YAE1: variants seen among roughly 807,000 people sequenced by gnomAD.
YAE1 encodes protein YAE1 homolog.
Under a neutral mutation model 23.0 loss-of-function variants are expected in YAE1, and 22 were observed. The observed-to-expected ratio is 0.96, with a 90% CI of 0.68 to 1.37. The LOEUF is 1.37. YAE1 is among the 40% of genes most tolerant of loss of function. The pLI is 0.00. For missense variants in YAE1, 260 were observed against 262.1 expected (o/e 0.99, Z 0.06); for synonymous variants, 101 against 97.0 (o/e 1.04, Z -0.24).
At chr7:39,575,669 C>T (rs904357552), downstream of YAE1, among the ~76,000 whole-genome samples, 1 of 151,924 alleles carries the variant, frequency 6.6e-6, no homozygotes, top group African/African-American at 2.4e-5. Flanking sequence ...GATACTTTAC[C>T]GCAACAGTTG....
intron 2 of YAE1, among the ~76,000 whole-genome samples, chr7:39,588,183 A>G (rs12111908): frequency 0.02 from 2,992 of 152,308 alleles, 62 homozygotes; most frequent in East Asian, 0.11. Flanking sequence ...TTCTTTGTAC[A>G]TGTTGTAGGC....
chr7:39,566,545 A>G lies in YAE1; in HGVS notation c.127A>G (p.Lys43Glu). The change falls in exon 1 of 3, where the codon AAA becomes GAA. Residue 43 changes from lysine (K) to glutamate (E), a missense_variant and splice_region_variant. Coordinates refer to ENST00000223273, the MANE Select transcript of YAE1 (RefSeq NM_020192.5). ...GCAGAGTAACATGCAAAGACGAGTC[A>G]AAGTAAACGTGGTGTGGACGGCGCG... ...EWQSNMQRRV[K>E]EGYRDGIDAG... 6.2e-7 allele frequency: 1 copy of G among 1,613,914 alleles called. No homozygotes were observed. Among genetic ancestry groups the G allele is most frequent in the Non-Finnish European group, 8.5e-7 (1 of 1,179,860 alleles).
chr7:39,588,064 ACT>A (rs1485986734), intron 2 of YAE1, among the ~76,000 whole-genome samples: 1 of 152,126 alleles, frequency 6.6e-6, no homozygotes, highest in Admixed American at 6.5e-5. Flanking sequence ...TATAGTTGTC[ACT>A]CTGAGGTGTT....
intron 1 of YAE1, among the ~76,000 whole-genome samples, chr7:39,567,954 G>T (rs1790501347): frequency 6.6e-6 from 1 of 152,080 alleles, no homozygotes; most frequent in Non-Finnish European, 1.5e-5. Flanking sequence ...TACACTAAGT[G>T]TACCATCCTG....
At chr7:39,603,086 G>A (rs1011047056) in intron 2 of YAE1, among the ~76,000 whole-genome samples, 5 of 152,112 alleles carry the variant, frequency 3.3e-5, no homozygotes, top group Non-Finnish European at 5.9e-5. Context: ...CTGTGCCCCA[G>A]AAAAGTAAGA....
At chr7:39,609,279 C>T (rs1791171760) in intron 2 of YAE1, among the ~76,000 whole-genome samples, 1 of 152,188 alleles carries the variant, frequency 6.6e-6, no homozygotes, top group Non-Finnish European at 1.5e-5. Context: ...GCATTAGGAA[C>T]ATCTGGATAG....
At chr7:39,597,963 T>TTTTTTTC (rs1357491592) in intron 2 of YAE1, among the ~76,000 whole-genome samples, 4 of 152,152 alleles carry the variant, frequency 2.6e-5, no homozygotes, top group African/African-American at 7.2e-5. Context: ...AAATTTTTCT[T>TTTTTTTC]TTTTTTCTTT....
At chr7:39,588,821 G>GTTTTT (rs5883698) in intron 2 of YAE1, among the ~76,000 whole-genome samples, 2 of 149,610 alleles carry the variant, frequency 1.3e-5, no homozygotes, top group Non-Finnish European at 3.0e-5. Context: ...ATAATTTTAG[G>GTTTTT]TTTTTTTTTT....
In YAE1 at chr7:39,583,754, C is replaced by T. The variant is rs10243193; in HGVS notation, c.251+13127C>T. ...GACATCATTGTTTCTGTGGGGATTA[C>T]GTGCAATTATGTATGTAAAGCCCTT... On this transcript the variant is annotated intron_variant, in intron 2 of 2. Coordinates refer to the YAE1 transcript ENST00000432096. Among the ~76,000 whole-genome samples the T allele has an allele frequency of 3.2e-3, 487 of 152,244 alleles. 2 individuals are homozygous for T. The highest frequency in any genetic ancestry group is 0.011 in the African/African-American group (468 of 41,540).
intron 1 of YAE1, among the ~76,000 whole-genome samples, chr7:39,567,843 C>T (rs771566447): frequency 3.9e-5 from 6 of 152,184 alleles, no homozygotes; most frequent in Admixed American, 6.5e-5. Context: ...TTGTCTACTA[C>T]ATAATGGTCA....
At chr7:39,587,148 C>T (rs948097439) in intron 2 of YAE1, among the ~76,000 whole-genome samples, 1 of 151,960 alleles carries the variant, frequency 6.6e-6, no homozygotes, top group East Asian at 1.9e-4. Flanking sequence ...CCTCCGCCTC[C>T]CAGGTTGAAG....
At chr7:39,586,684 A>G (rs140206903) in intron 2 of YAE1, among the ~76,000 whole-genome samples, 200 of 151,244 alleles carry the variant, frequency 1.3e-3, no homozygotes, top group Middle Eastern at 6.9e-3. Flanking sequence ...TTTTTAGTAG[A>G]GACGGGGTTT....
chr7:39,566,761 T>G, intron 1 of YAE1: 1 of 610,940 alleles, frequency 1.6e-6, no homozygotes, highest in Non-Finnish European at 2.6e-6. Context: ...ACGGGATGCG[T>G]TAGAAACTGA....
chr7:39,570,014 T>C, intron 1 of YAE1: 1 of 1,353,194 alleles, frequency 7.4e-7, no homozygotes, highest in Non-Finnish European at 1.1e-6. Flanking sequence ...TTCCGGTTAA[T>C]GGTTTTGACA....
chr7:39,580,036 C>A (rs1790718460), intron 2 of YAE1, among the ~76,000 whole-genome samples: 1 of 152,064 alleles, frequency 6.6e-6, no homozygotes, highest in Admixed American at 6.5e-5. Flanking sequence ...CAGAGTGAGA[C>A]CCTGTGTCTA....
chr7:39,573,919 G>C (rs1022484544), downstream of YAE1, among the ~76,000 whole-genome samples: 4 of 152,166 alleles, frequency 2.6e-5, no homozygotes, highest in African/African-American at 9.7e-5. Flanking sequence ...TGTGAAGACT[G>C]TTTTTCAGAG....
chr7:39,610,422 C>G, downstream of YAE1: 2 of 452,076 alleles, frequency 4.4e-6, no homozygotes, highest in South Asian at 1.6e-5. Context: ...CCATTTTATA[C>G]GACTTGAAAG....
At chr7:39,610,655 T>C (rs1173450169), downstream of YAE1, among the ~76,000 whole-genome samples, 1 of 152,230 alleles carries the variant, frequency 6.6e-6, no homozygotes, top group East Asian at 1.9e-4. Flanking sequence ...CTTTAGATTA[T>C]GGTTTGTATT....
At chr7:39,594,763 T>G (rs1300587616) in intron 2 of YAE1, among the ~76,000 whole-genome samples, 1 of 152,056 alleles carries the variant, frequency 6.6e-6, no homozygotes, top group Non-Finnish European at 1.5e-5. Flanking sequence ...CCTGGCTAAT[T>G]TTTTGTATTT....
Sources: allele counts gnomAD v4.1 joint callset (sites outside exome capture counted in the v4.1 genomes callset), GRCh38; gene constraint gnomAD v4.1.1; transcripts MANE v1.5; gene names NCBI Gene and HGNC (gene_info 2026-07-23, HGNC 2026-07-21).